The following PNPT1 variants were observed in gnomAD, a reference collection of about 807,000 sequenced individuals.
The protein encoded by PNPT1 is polyribonucleotide nucleotidyltransferase 1, mitochondrial.
PNPT1 carries 53 observed loss-of-function variants against 119.5 expected under a neutral mutation model. That is an observed-to-expected ratio of 0.44 (90% CI 0.36 to 0.56). The LOEUF (loss-of-function observed/expected upper bound fraction) is 0.56, where lower values mean the gene tolerates loss of function less well. Ranked by LOEUF, PNPT1 falls within the 20% of genes least tolerant of loss-of-function variation. The probability of loss-of-function intolerance (pLI) is 0.00; values close to 1 mark genes in which losing one functional copy is unlikely to be tolerated. For missense variants in PNPT1, 948 were observed against 938.5 expected (o/e 1.01, Z -0.13); for synonymous variants, 357 against 322.1 (o/e 1.11, Z -1.16).
intron 21 of PNPT1, among the ~76,000 whole-genome samples, chr2:55,645,746 T>C (rs981182059): frequency 5.3e-5 from 8 of 152,168 alleles, no homozygotes; most frequent in Non-Finnish European, 1.2e-4. Context: ...CCCAGGCTGG[T>C]CTTGAACTCC....
At chr2:55,692,105 G>A (rs1469872428) in intron 1 of PNPT1, among the ~76,000 whole-genome samples, 1 of 151,550 alleles carries the variant, frequency 6.6e-6, no homozygotes, top group African/African-American at 2.4e-5. Context: ...GGCTGGTCTC[G>A]AACTCCTGAC....
intron 18 of PNPT1, among the ~76,000 whole-genome samples, chr2:55,651,032 G>A (rs1171380821): frequency 6.8e-6 from 1 of 147,548 alleles, no homozygotes; most frequent in Non-Finnish European, 1.5e-5. Flanking sequence ...GAAGTGAGGA[G>A]CCCCTCTGCC....
At chr2:55,641,235 T>A (rs942891411) in intron 25 of PNPT1, among the ~76,000 whole-genome samples, 4 of 151,426 alleles carry the variant, frequency 2.6e-5, no homozygotes, top group Non-Finnish European at 5.9e-5. Context: ...CAAAAAAAAC[T>A]TTTAGAATAT....
rs778851186 is a variant in PNPT1, at chr2:55,693,736, G to C, written c.88C>G (p.Leu30Val). The C allele has an allele frequency of 1.2e-6, 2 of 1,614,202 alleles. No homozygotes were observed. Among genetic ancestry groups the C allele is most frequent in the Non-Finnish European group, 1.7e-6 (2 of 1,180,044 alleles). The part of the protein sequence containing the change: ...PFLLPRRDRA[L>V]TQLQVRALWS... ...AGTGCTCGCACTTGCAACTGGGTGA[G>C]TGCCCGATCCCGCCGTGGCAGAAGG... Residue 30 changes from leucine (L) to valine (V), a missense_variant, in exon 1 of 28, where the codon CTC (leucine) becomes GTC (valine). Physicochemically the swap from Leu to Val is conservative, Grantham distance 32 (BLOSUM62 1). Coordinates refer to ENST00000447944, the MANE Select transcript of PNPT1 (RefSeq NM_033109.5).
chr2:55,684,455 C>T (rs1163124204), intron 4 of PNPT1, among the ~76,000 whole-genome samples: 1 of 152,106 alleles, frequency 6.6e-6, no homozygotes, highest in Non-Finnish European at 1.5e-5. Context: ...CAGAGCAAGA[C>T]TCTGTCTCAA....
At chr2:55,651,290 G>C (rs1391701542) in intron 18 of PNPT1, among the ~76,000 whole-genome samples, 1 of 152,096 alleles carries the variant, frequency 6.6e-6, no homozygotes. Flanking sequence ...ACAGCTCATT[G>C]AGAACGGGCC....
Position 55,646,336 on chromosome 2 carries a change from G to T in PNPT1, c.1675-14C>A. The stretch of plus-strand genomic sequence containing the variant: ...TTTAATATCAGCCTAATATGGAAAA[G>T]TCAAACAATTATATAAATATTGACT... On this transcript the variant is annotated splice_polypyrimidine_tract_variant and intron_variant, in intron 20 of 27. Coordinates refer to ENST00000447944, the MANE Select transcript of PNPT1 (RefSeq NM_033109.5). 6.2e-7 allele frequency: 1 copy of T among 1,607,712 alleles called. No homozygotes were observed. The highest frequency in any genetic ancestry group is 8.5e-7 in the Non-Finnish European group (1 of 1,176,010).
At chr2:55,685,377 A>T (rs147436986) in intron 3 of PNPT1, among the ~76,000 whole-genome samples, 46 of 152,266 alleles carry the variant, frequency 3.0e-4, no homozygotes, top group African/African-American at 1.1e-3. Context: ...ACAAAAAAAA[A>T]ATTAGTTGGG....
At position 55,677,336 on chromosome 2, in the gene PNPT1, A is replaced by G. The variant is rs138397294; in HGVS notation, c.679+2346T>C. On this transcript the variant is annotated intron_variant, in intron 8 of 27. Transcript: ENST00000447944. The stretch of plus-strand genomic sequence containing the variant: ...CTGCTGGGTGCAGTGGCTCACGCCT[A>G]TAATCCCAGCACTTTTGGTGGCCGA... Among the ~76,000 whole-genome samples the G allele has an allele frequency of 4.3e-3, 652 of 152,298 alleles. 4 individuals are homozygous for G. The highest frequency in any genetic ancestry group is 0.015 in the African/African-American group (628 of 41,570).
At chr2:55,653,781 C>G (rs955312122) in intron 18 of PNPT1, among the ~76,000 whole-genome samples, 3 of 152,148 alleles carry the variant, frequency 2.0e-5, no homozygotes, top group East Asian at 1.9e-4. Flanking sequence ...ATTATATATT[C>G]AAACCATGTT....
intron 12 of PNPT1, 131 bp downstream of exon 12, chr2:55,667,731 A>T: frequency 8.1e-7 from 1 of 1,234,510 alleles, no homozygotes; most frequent in Non-Finnish European, 1.1e-6. Flanking sequence ...GTGTCCATTT[A>T]TATAGCAAAT....
At chr2:55,658,752 C>T (rs1696469657) in intron 15 of PNPT1, among the ~76,000 whole-genome samples, 2 of 152,214 alleles carry the variant, frequency 1.3e-5, no homozygotes, top group Middle Eastern at 3.4e-3. Flanking sequence ...ATATCCAGAA[C>T]AGGATATTTA....
chr2:55,687,665 C>T lies in PNPT1; in HGVS notation c.202G>A (p.Asp68Asn). 1.3e-6 allele frequency: 2 copies of T among 1,598,804 alleles called. No homozygotes were observed. The highest frequency in any genetic ancestry group is 1.7e-6 in the Non-Finnish European group (2 of 1,175,344). Reference protein sequence around the residue: ...ISSGKLARFADGSAVVQSGDT... With the variant: ...ISSGKLARFANGSAVVQSGDT... Reference sequence around the variant, plus strand: ...TTTACCTGTACTACAGCAGAGCCATCTGCAAATCTGGCCAGCTTTCCAGAA... The same window carrying T: ...TTTACCTGTACTACAGCAGAGCCATTTGCAAATCTGGCCAGCTTTCCAGAA... Residue 68 changes from aspartate to asparagine, a missense_variant, in exon 2 of 28, where the codon GAT becomes AAT. Transcript: ENST00000447944.
intron 1 of PNPT1, among the ~76,000 whole-genome samples, chr2:55,688,080 G>A (rs1697471461): frequency 6.9e-6 from 1 of 144,580 alleles, no homozygotes; most frequent in Non-Finnish European, 1.5e-5. Context: ...GTCTTGCTCT[G>A]TTGCCCAGGC....
At chr2:55,642,402 C>T (rs1442142215) in intron 25 of PNPT1, among the ~76,000 whole-genome samples, 18 of 150,972 alleles carry the variant, frequency 1.2e-4, no homozygotes, top group Admixed American at 7.9e-4. Context: ...GTCAGGAGAT[C>T]GAGACCATCC....
In PNPT1 at chr2:55,634,837, T is replaced by G. The variant is rs1695617413; in HGVS notation, c.*1400A>C. ...TCCCAAAGTGTTGGGATTACAGGTGTGAGCCACCATGCCTGGCCAGATATA... is the reference window on the plus strand; with the variant it reads ...TCCCAAAGTGTTGGGATTACAGGTGGGAGCCACCATGCCTGGCCAGATATA... On this transcript the variant is annotated 3_prime_UTR_variant, in exon 28 of 28. Coordinates refer to ENST00000447944, the MANE Select transcript of PNPT1 (RefSeq NM_033109.5). 6.6e-6 allele frequency: 1 copy of G among 152,176 alleles called. No homozygotes were observed. Among genetic ancestry groups the G allele is most frequent in the Admixed American group, 6.5e-5 (1 of 15,270 alleles). 9.4% of individuals were successfully genotyped at this position (152,176 alleles called of 1,614,324 possible).
chr2:55,664,185 T>C (rs13002860), intron 13 of PNPT1, among the ~76,000 whole-genome samples: 45,425 of 152,158 alleles, frequency 0.3, 6,996 homozygotes, highest in South Asian at 0.39. Flanking sequence ...TAACACCACC[T>C]TGTGGGGGTT....
Position 55,651,302 on chromosome 2 carries a change from T to G in PNPT1, c.1495+3598A>C, listed in dbSNP as rs1485206006. Among the ~76,000 whole-genome samples, 20 of 151,124 alleles carry G rather than the reference T, an allele frequency of 1.3e-4. No individual in the cohort carries two copies. In the South Asian group the frequency reaches 2.9e-3, roughly 22 times the overall value. ...CCAACAGCTCATTGAGAACGGGCCA[T>G]GATGACAATGGCGGTTTTGTGGAAT... is the stretch of plus-strand genomic sequence containing the variant. On this transcript the variant is annotated intron_variant, in intron 18 of 27. Coordinates refer to ENST00000447944, the MANE Select transcript of PNPT1 (RefSeq NM_033109.5).
At chr2:55,650,541 T>C (rs1461821959) in intron 18 of PNPT1, among the ~76,000 whole-genome samples, 5 of 151,932 alleles carry the variant, frequency 3.3e-5, no homozygotes, top group Non-Finnish European at 5.9e-5. Context: ...AGTGCCGAGA[T>C]TGCAGCCTCT....
Sources: gnomAD v4.1 joint callset for allele counts (sites outside exome capture counted in the v4.1 genomes callset) on GRCh38, gnomAD v4.1.1 for gene constraint, MANE v1.5 for transcripts, NCBI Gene and HGNC (gene_info 2026-07-23, HGNC 2026-07-21) for gene names.